Variants in IL1RAPL2 observed in about 807,000 individuals in gnomAD.
The protein encoded by IL1RAPL2 is interleukin 1 receptor accessory protein like 2.
A neutral mutation model predicts 44.1 loss-of-function variants in IL1RAPL2; 3 were observed. That is an observed-to-expected ratio of 0.07 (90% CI 0.03 to 0.18). IL1RAPL2 has a LOEUF of 0.18. Ranked by LOEUF, IL1RAPL2 falls within the 10% of genes least tolerant of loss-of-function variation. The probability of loss-of-function intolerance (pLI) is 1.00; values close to 1 mark genes in which losing one functional copy is unlikely to be tolerated. For missense variants in IL1RAPL2, 391 were observed against 496.4 expected (o/e 0.79, Z 2.02); for synonymous variants, 181 against 178.8 (o/e 1.01, Z -0.10).
intron 2 of IL1RAPL2, among the ~76,000 whole-genome samples, chrX:104,811,192 A>G (rs1932974335): frequency 1.8e-5 from 2 of 111,658 alleles, no homozygotes; most frequent in Admixed American, 1.9e-4. Flanking sequence ...AACAGAAAAA[A>G]AACCCTGAAT....
chrX:105,711,447 C>T (rs765408755), intron 6 of IL1RAPL2, among the ~76,000 whole-genome samples: 3 of 111,198 alleles, frequency 2.7e-5, no homozygotes, highest in South Asian at 3.8e-4. Flanking sequence ...TTAATTGATT[C>T]GTGACAGCAG....
chrX:105,696,048 T>C (rs766271377), intron 6 of IL1RAPL2, among the ~76,000 whole-genome samples: 7 of 112,190 alleles, frequency 6.2e-5, no homozygotes, highest in Non-Finnish European at 9.4e-5. Context: ...TCATGTATCC[T>C]GACTCTGCTC....
intron 5 of IL1RAPL2, among the ~76,000 whole-genome samples, chrX:105,447,108 A>ATATATATAAATATAT (rs2035963967): frequency 1.9e-4 from 4 of 20,587 alleles, no homozygotes; most frequent in African/African-American, 9.5e-4. Flanking sequence ...TATATATATA[A>ATATATATAAATATAT]AAATATATAT....
chrX:105,291,914 G>A (rs949260905), intron 5 of IL1RAPL2, among the ~76,000 whole-genome samples: 37 of 110,958 alleles, frequency 3.3e-4, no homozygotes, highest in Middle Eastern at 4.8e-3. Flanking sequence ...TACAGTATTA[G>A]TGGAATATGA....
chrX:105,209,983 C>T (rs1458541921), intron 3 of IL1RAPL2, among the ~76,000 whole-genome samples: 1 of 110,547 alleles, frequency 9.0e-6, no homozygotes, highest in Non-Finnish European at 1.9e-5. Context: ...CTACCCCAAT[C>T]GTGTTTTTTA....
intron 1 of IL1RAPL2, among the ~76,000 whole-genome samples, chrX:104,639,346 G>A (rs1191304214): frequency 2.7e-5 from 3 of 111,344 alleles, no homozygotes; most frequent in Non-Finnish European, 3.8e-5. Context: ...CTTGTAGGAA[G>A]CATATAGTTG....
intron 6 of IL1RAPL2, among the ~76,000 whole-genome samples, chrX:105,632,509 G>A (rs1220539785): frequency 9.0e-6 from 1 of 111,436 alleles, no homozygotes; most frequent in Non-Finnish European, 1.9e-5. Flanking sequence ...ATTGAAGGTG[G>A]TGGAGCAAGA....
intron 5 of IL1RAPL2, among the ~76,000 whole-genome samples, chrX:105,450,260 C>T (rs1569442680): frequency 9.0e-6 from 1 of 111,334 alleles, no homozygotes. Context: ...GGAGTGGTGG[C>T]ATAGGCAAAT....
intron 2 of IL1RAPL2, among the ~76,000 whole-genome samples, chrX:104,883,175 C>T (rs764404909): frequency 5.4e-5 from 6 of 111,765 alleles, no homozygotes; most frequent in East Asian, 2.8e-4. Flanking sequence ...TATCACCTAT[C>T]GCCAAGCGGT....
intron 6 of IL1RAPL2, among the ~76,000 whole-genome samples, chrX:105,701,415 A>G (rs1265178293): frequency 2.7e-5 from 3 of 112,022 alleles, no homozygotes; most frequent in African/African-American, 9.7e-5. Context: ...ACTGTTCATT[A>G]AACAAACAGG....
chrX:104,647,600 A>G (rs1454305464), intron 1 of IL1RAPL2: 4 of 521,990 alleles, frequency 7.7e-6, no homozygotes, highest in Non-Finnish European at 1.4e-5. Flanking sequence ...TCCAGCATCA[A>G]AGTGAGACAC....
chrX:104,914,963 C>G (rs1268154119), intron 2 of IL1RAPL2, among the ~76,000 whole-genome samples: 1 of 111,699 alleles, frequency 9.0e-6, no homozygotes, highest in African/African-American at 3.3e-5. Context: ...TCCAGTCTAT[C>G]ATAGTTGGAC....
chrX:104,946,358 C>T (rs1420781118), intron 2 of IL1RAPL2, among the ~76,000 whole-genome samples: 11 of 48,524 alleles, frequency 2.3e-4, no homozygotes, highest in East Asian at 7.2e-4. Flanking sequence ...CTGGCCTGGG[C>T]GACAGAGCAA....
chrX:105,584,186 A>T (rs1423205213), intron 6 of IL1RAPL2, among the ~76,000 whole-genome samples: 3 of 111,641 alleles, frequency 2.7e-5, no homozygotes, highest in Non-Finnish European at 3.8e-5. Flanking sequence ...TCTATTAATT[A>T]TCTGAGAGAA....
At chrX:105,034,090 C>G (rs906528395) in intron 2 of IL1RAPL2, among the ~76,000 whole-genome samples, 7 of 111,996 alleles carry the variant, frequency 6.3e-5, no homozygotes, top group African/African-American at 2.3e-4. Context: ...CCTTTAAGGA[C>G]TTCTCTGCAT....
chrX:104,932,065 C>G (rs1485198581), intron 2 of IL1RAPL2, among the ~76,000 whole-genome samples: 1 of 104,379 alleles, frequency 9.6e-6, no homozygotes, highest in Non-Finnish European at 2.0e-5. Context: ...GATCTCGGCT[C>G]ACTGCAACCC....
intron 6 of IL1RAPL2, among the ~76,000 whole-genome samples, chrX:105,633,007 T>G (rs2037501406): frequency 8.9e-6 from 1 of 111,772 alleles, no homozygotes; most frequent in African/African-American, 3.3e-5. Context: ...GTCAACACAT[T>G]AATTCATTTC....
chrX:105,553,366 A>C (rs1023812002), intron 6 of IL1RAPL2, among the ~76,000 whole-genome samples: 1 of 111,803 alleles, frequency 8.9e-6, no homozygotes, highest in Admixed American at 9.5e-5. Flanking sequence ...ATCAAGAGGA[A>C]ACTCACTAGG....
chrX:104,952,496 A>G (rs1925610326), intron 2 of IL1RAPL2, among the ~76,000 whole-genome samples: 1 of 112,299 alleles, frequency 8.9e-6, no homozygotes, highest in Admixed American at 9.5e-5. Flanking sequence ...TAATGCAAAG[A>G]GTGAATTTAC....
Sources: allele counts gnomAD v4.1 joint callset (sites outside exome capture counted in the v4.1 genomes callset), GRCh38; gene constraint gnomAD v4.1.1; transcripts MANE v1.5; gene names NCBI Gene and HGNC (gene_info 2026-07-23, HGNC 2026-07-21).